The following LYST variants were observed in gnomAD, a reference collection of about 807,000 sequenced individuals.
LYST encodes lysosomal-trafficking regulator.
LYST carries 192 observed loss-of-function variants against 413.6 expected under a neutral mutation model. The observed-to-expected ratio is 0.46, with a 90% CI of 0.41 to 0.52. The LOEUF (loss-of-function observed/expected upper bound fraction) is 0.52, where lower values mean the gene tolerates loss of function less well. LYST is among the 20% of genes least tolerant of loss of function. LYST has a pLI of 0.00. For missense variants in LYST, 3,815 were observed against 4,499.9 expected (o/e 0.85, Z 4.35); for synonymous variants, 1,525 against 1,567.3 (o/e 0.97, Z 0.64).
intron 42 of LYST, among the ~76,000 whole-genome samples, chr1:235,713,947 G>A (rs2103131516): frequency 6.6e-6 from 1 of 152,254 alleles, no homozygotes; most frequent in Admixed American, 6.5e-5. Context: ...ATAAATTTTA[G>A]TTGATTGGTA....
intron 20 of LYST, among the ~76,000 whole-genome samples, chr1:235,768,644 G>T (rs535104861): frequency 6.6e-6 from 1 of 151,918 alleles, no homozygotes; most frequent in Admixed American, 6.6e-5. Flanking sequence ...TAGCATTTTT[G>T]TAAATAATAC....
intron 1 of LYST, among the ~76,000 whole-genome samples, chr1:235,857,426 A>G (rs115654884): frequency 2.8e-4 from 42 of 152,264 alleles, no homozygotes; most frequent in African/African-American, 7.5e-4. Flanking sequence ...GATTTGAAGA[A>G]AGTTCTAGAT....
At position 235,665,102 on chromosome 1, in the gene LYST, T is replaced by C. The variant is rs186459953; in HGVS notation, c.11039-481A>G. Among the ~76,000 whole-genome samples the C allele has an allele frequency of 7.2e-5, 11 of 152,164 alleles. No homozygotes were observed. In the East Asian group the frequency reaches 1.9e-3, roughly 27 times the overall value. On this transcript the variant is annotated intron_variant, in intron 50 of 52. Transcript: ENST00000389793. ...AGCCACTGCACCAGGCCAAGTTGCA[T>C]AGATCTTTATGTATTAATCAAGAGA...
At chr1:235,751,951 C>T in intron 27 of LYST, 54 bp downstream of exon 27, 1 of 1,223,386 alleles carries the variant, frequency 8.2e-7, no homozygotes, top group South Asian at 1.3e-5. Context: ...GCTCAAATAA[C>T]AGGTTTGTCT....
intron 48 of LYST, among the ~76,000 whole-genome samples, chr1:235,682,018 G>C (rs1558110862): frequency 6.6e-6 from 1 of 152,148 alleles, no homozygotes; most frequent in East Asian, 1.9e-4. Flanking sequence ...TACATCAAAG[G>C]GTTATTACGA....
chr1:235,817,777 G>A (rs1335053239), intron 3 of LYST, among the ~76,000 whole-genome samples: 3 of 151,970 alleles, frequency 2.0e-5, no homozygotes, highest in Non-Finnish European at 4.4e-5. Flanking sequence ...CTTATTACCT[G>A]GGTGATGAAA....
At chr1:235,690,028 T>C (rs1337853845) in intron 47 of LYST, among the ~76,000 whole-genome samples, 1 of 152,210 alleles carries the variant, frequency 6.6e-6, no homozygotes, top group East Asian at 1.9e-4. Context: ...AGTACCCAAC[T>C]CTTAAATAGA....
At chr1:235,873,023 G>A (rs1468254252) in intron 1 of LYST, among the ~76,000 whole-genome samples, 3 of 152,132 alleles carry the variant, frequency 2.0e-5, no homozygotes, top group African/African-American at 4.8e-5. Flanking sequence ...GAGTTTCCAC[G>A]GCCTATCTTG....
chr1:235,860,889 C>T (rs1572483009), intron 1 of LYST, among the ~76,000 whole-genome samples: 1 of 152,038 alleles, frequency 6.6e-6, no homozygotes, highest in Admixed American at 6.6e-5. Context: ...ATTGATCTTT[C>T]TTCCATTATA....
At chr1:235,807,848 A>G (rs1673040099) in intron 5 of LYST, among the ~76,000 whole-genome samples, 1 of 152,144 alleles carries the variant, frequency 6.6e-6, no homozygotes, top group Admixed American at 6.6e-5. Context: ...TAAATATAAT[A>G]TTTTAAAATT....
At chr1:235,871,724 T>C (rs1273871900), upstream of LYST, among the ~76,000 whole-genome samples, 3 of 152,224 alleles carry the variant, frequency 2.0e-5, no homozygotes, top group African/African-American at 7.2e-5. Flanking sequence ...TTGAGTAGTC[T>C]CTAATAAACT....
intron 50 of LYST, among the ~76,000 whole-genome samples, chr1:235,665,485 G>A (rs948346681): frequency 6.6e-5 from 10 of 151,684 alleles, no homozygotes; most frequent in South Asian, 4.2e-4. Context: ...GGTGGCGGGC[G>A]CCTGTAGTTC....
chr1:235,666,220 GTACA>G (rs1260411256), intron 50 of LYST, among the ~76,000 whole-genome samples: 120 of 111,372 alleles, frequency 1.1e-3, no homozygotes, highest in South Asian at 5.1e-3. Flanking sequence ...AATGCAGTAT[GTACA>G]TACACACACA....
At chr1:235,671,596 T>G (rs1658947904) in intron 50 of LYST, among the ~76,000 whole-genome samples, 1 of 152,162 alleles carries the variant, frequency 6.6e-6, no homozygotes, top group Non-Finnish European at 1.5e-5. Context: ...ATATGAGCCA[T>G]ATAAATATTT....
rs1425757843 is a variant in LYST at position 235,757,265 on chromosome 1, T to C, written c.7059+16A>G. ...TTTTTCTGAATTAAAATAACATATCTAGTATTTGCCCTTACTTTAATAACA... is the reference window on the plus strand; with the variant it reads ...TTTTTCTGAATTAAAATAACATATCCAGTATTTGCCCTTACTTTAATAACA... On this transcript the variant is annotated intron_variant, in intron 24 of 52. Coordinates refer to ENST00000389793, the MANE Select transcript of LYST (RefSeq NM_000081.4). 6.3e-7 allele frequency: 1 copy of C among 1,577,270 alleles called. No individual in the cohort carries two copies. Among genetic ancestry groups the C allele is most frequent in the Non-Finnish European group, 8.7e-7 (1 of 1,148,928 alleles).
In LYST at chr1:235,800,901, T is replaced by C. The variant is rs140703510; in HGVS notation, c.3909A>G (p.Lys1303=). ...FESFLKIIRQ[K]EKNVFLLMQQ... ...GCATGAGCAGAAAAACATTCTTTTC[T>C]TTCTGCCTAATAATTTTCAAAAAAC... Residue 1303 remains lysine, a synonymous_variant, in exon 9 of 53, where the codon AAA becomes AAG. Transcript: ENST00000389793. 1.9e-6 allele frequency: 3 copies of C among 1,613,440 alleles called. No individual in the cohort carries two copies. In the African/African-American group the frequency reaches 4.0e-5, roughly 22 times the overall value.
At chr1:235,850,524 G>A (rs955948852) in intron 1 of LYST, among the ~76,000 whole-genome samples, 2 of 151,974 alleles carry the variant, frequency 1.3e-5, no homozygotes, top group African/African-American at 4.8e-5. Context: ...AAGATAAATA[G>A]CTGGGACCTA....
Position 235,800,925 on chromosome 1 carries a change from A to G in LYST, c.3885T>C (p.Ser1295=). ...CTTTCTGCCTAATAATTTTCAAAAA[A>G]CTCTCAAATACATGGGCAAGCACAT... is the stretch of plus-strand genomic sequence containing the variant. ...KLDVLAHVFE[S]FLKIIRQKEK... is the part of the protein sequence containing the mutation. The change falls in exon 9 of 53, where the codon AGT becomes AGC. Residue 1295 remains serine (S), a synonymous_variant. Coordinates refer to ENST00000389793, the MANE Select transcript of LYST (RefSeq NM_000081.4). 6.2e-7 allele frequency: 1 copy of G among 1,613,770 alleles called. No homozygotes were observed. The highest frequency in any genetic ancestry group is 8.5e-7 in the Non-Finnish European group (1 of 1,179,854).
intron 3 of LYST, among the ~76,000 whole-genome samples, chr1:235,818,581 A>C (rs1481056625): frequency 6.6e-6 from 1 of 152,190 alleles, no homozygotes; most frequent in Non-Finnish European, 1.5e-5. Flanking sequence ...TGTATAGCTC[A>C]TACTCAGTAT....
Sources: allele counts gnomAD v4.1 joint callset (sites outside exome capture counted in the v4.1 genomes callset), GRCh38; gene constraint gnomAD v4.1.1; transcripts MANE v1.5; gene names NCBI Gene and HGNC (gene_info 2026-07-23, HGNC 2026-07-21).